Variants in CDH23 observed in about 807,000 individuals in gnomAD.
CDH23 encodes the protein cadherin-23.
In CDH23, 189 loss-of-function variants were observed where a neutral mutation model predicts 317.1. That is an observed-to-expected ratio of 0.60 (90% CI 0.53 to 0.67). The LOEUF (loss-of-function observed/expected upper bound fraction) is 0.67, where lower values mean the gene tolerates loss of function less well. CDH23 is among the 30% of genes least tolerant of loss of function. The pLI, the probability that CDH23 is intolerant of heterozygous loss-of-function variation, is 0.00. For synonymous variants in CDH23, 1,839 were observed against 1,876.8 expected (o/e 0.98, Z 0.52); for missense variants, 4,401 against 4,592.4 (o/e 0.96, Z 1.20).
intron 53 of CDH23, 129 bp downstream of exon 53, chr10:71,800,884 C>A: frequency 1.5e-6 from 2 of 1,310,168 alleles, no homozygotes; most frequent in Non-Finnish European, 2.1e-6. Context: ...GACACAGTGA[C>A]AGAAAGGAGA....
chr10:71,625,702 C>T (rs1861700693), intron 11 of CDH23, among the ~76,000 whole-genome samples: 1 of 152,212 alleles, frequency 6.6e-6, no homozygotes, highest in Non-Finnish European at 1.5e-5. Context: ...CGCAGCTCTG[C>T]AAAGGTTGCG....
chr10:71,690,708 G>A (rs1865157907), intron 20 of CDH23, 124 bp downstream of exon 20: 6 of 656,618 alleles, frequency 9.1e-6, no homozygotes, highest in Middle Eastern at 2.5e-4. Context: ...GACCAGCTTT[G>A]AGCACCAGTG....
chr10:71,610,652 A>G (rs1287026236), intron 9 of CDH23, among the ~76,000 whole-genome samples: 1 of 152,182 alleles, frequency 6.6e-6, no homozygotes, highest in African/African-American at 2.4e-5. Context: ...TAAGTGTTTG[A>G]TAAGTAGTGG....
intron 9 of CDH23, among the ~76,000 whole-genome samples, chr10:71,589,595 A>G (rs1859329677): frequency 6.6e-6 from 1 of 152,228 alleles, no homozygotes. Context: ...AGCATGGCAT[A>G]TGTAATACAC....
intron 3 of CDH23, among the ~76,000 whole-genome samples, chr10:71,485,875 A>T (rs1196435145): frequency 6.6e-6 from 1 of 152,254 alleles, no homozygotes; most frequent in African/African-American, 2.4e-5. Flanking sequence ...TCAGTCTGAG[A>T]TGCTCATGCC....
chr10:71,790,836 T>C (rs1486769789), intron 46 of CDH23: 2 of 511,392 alleles, frequency 3.9e-6, no homozygotes, highest in Non-Finnish European at 7.1e-6. Flanking sequence ...AAAGCACATC[T>C]GTCAACAGAG....
chr10:71,803,504 A>T, intron 55 of CDH23, 84 bp downstream of exon 55: 5 of 1,252,612 alleles, frequency 4.0e-6, no homozygotes, highest in African/African-American at 1.5e-5. Context: ...CCCCACTCTA[A>T]AGGTGGGGAA....
At chr10:71,712,292 C>G in intron 27 of CDH23, 1 of 187,794 alleles carries the variant, frequency 5.3e-6, no homozygotes, top group South Asian at 1.3e-4. Context: ...GCCCTTTTCC[C>G]AAATAAATTA....
chr10:71,527,489 G>A (rs934093418), intron 6 of CDH23, among the ~76,000 whole-genome samples: 6 of 152,356 alleles, frequency 3.9e-5, no homozygotes, highest in Middle Eastern at 3.4e-3. Flanking sequence ...AAGGTGTGAC[G>A]TGGGACGGGA....
At chr10:71,690,383 C>T in intron 19 of CDH23, 85 bp from the exon 20 acceptor site, 1 of 1,003,134 alleles carries the variant, frequency 1.0e-6, no homozygotes, top group East Asian at 2.7e-5. Flanking sequence ...TGGGCCAGCG[C>T]AAATGCTGCT....
intron 6 of CDH23, among the ~76,000 whole-genome samples, chr10:71,519,471 T>A (rs1277217371): frequency 3.9e-5 from 6 of 152,262 alleles, no homozygotes; most frequent in Admixed American, 2.0e-4. Context: ...GGGGGCAGAC[T>A]TAGGAAACCA....
intron 6 of CDH23, among the ~76,000 whole-genome samples, chr10:71,534,996 G>C (rs535320072): frequency 1.3e-5 from 2 of 152,392 alleles, no homozygotes; most frequent in East Asian, 3.9e-4. Flanking sequence ...TGTGTGGGCT[G>C]TCAGGAGAGG....
At chr10:71,581,898 AC>A (rs894177660) in intron 9 of CDH23, among the ~76,000 whole-genome samples, 16 of 151,610 alleles carry the variant, frequency 1.1e-4, no homozygotes, top group Admixed American at 5.9e-4. Context: ...AGCTGCACTC[AC>A]CCCCCCAACA....
At chr10:71,685,795 G>A (rs1293350771) in intron 18 of CDH23, among the ~76,000 whole-genome samples, 1 of 152,242 alleles carries the variant, frequency 6.6e-6, no homozygotes, top group Non-Finnish European at 1.5e-5. Context: ...AGTCACTTGT[G>A]TCTGAGGACC....
At chr10:71,400,484 T>A (rs1847731054) in intron 1 of CDH23, among the ~76,000 whole-genome samples, 2 of 152,202 alleles carry the variant, frequency 1.3e-5, no homozygotes, top group Admixed American at 6.5e-5. Flanking sequence ...AGACATCGAT[T>A]TGAAAATCAG....
chr10:71,606,257 G>T (rs370936562), intron 9 of CDH23, among the ~76,000 whole-genome samples: 1 of 152,316 alleles, frequency 6.6e-6, no homozygotes, highest in Non-Finnish European at 1.5e-5. Context: ...GCGGACTGCC[G>T]TTCACACCTA....
chr10:71,682,660 C>T, intron 18 of CDH23, 88 bp downstream of exon 18: 1 of 1,517,342 alleles, frequency 6.6e-7, no homozygotes. Context: ...GACTGTGGCC[C>T]CCACCTCCTT....
At chr10:71,668,481 G>C (rs934926987) in intron 14 of CDH23, among the ~76,000 whole-genome samples, 3 of 152,168 alleles carry the variant, frequency 2.0e-5, no homozygotes, top group African/African-American at 7.2e-5. Flanking sequence ...ACGCCTTGGA[G>C]TTAACCATGT....
intron 22 of CDH23, 112 bp downstream of exon 22, chr10:71,695,637 C>T: frequency 1.4e-6 from 1 of 721,000 alleles, no homozygotes. Flanking sequence ...ACTCTGTGTC[C>T]CTCTGAGCTG....
Sources: allele counts gnomAD v4.1 joint callset (sites outside exome capture counted in the v4.1 genomes callset), GRCh38; gene constraint gnomAD v4.1.1; transcripts MANE v1.5; gene names NCBI Gene and HGNC (gene_info 2026-07-23, HGNC 2026-07-21).